Variants in WASF3 observed in about 807,000 individuals in gnomAD.
WASF3 encodes the protein actin-binding protein WASF3.
A neutral mutation model predicts 46.6 loss-of-function variants in WASF3; 11 were observed. The ratio of observed to expected loss-of-function variants is 0.24; its 90% CI spans 0.15 to 0.39. The LOEUF is 0.39. Among genes scored for constraint, WASF3 ranks in the 10% least tolerant of loss-of-function variants. The pLI, the probability that WASF3 is intolerant of heterozygous loss-of-function variation, is 1.00. For missense variants in WASF3, 576 were observed against 669.8 expected (o/e 0.86, Z 1.55); for synonymous variants, 242 against 259.7 (o/e 0.93, Z 0.65).
intron 3 of WASF3, among the ~76,000 whole-genome samples, chr13:26,647,921 A>G (rs1441066810): frequency 2.0e-5 from 3 of 152,222 alleles, no homozygotes; most frequent in South Asian, 4.1e-4. Context: ...TTCATTGTAC[A>G]TATGGTTTTA....
chr13:26,619,561 A>G (rs149120273), intron 2 of WASF3: 3 of 152,342 alleles, frequency 2.0e-5, no homozygotes, highest in African/African-American at 7.2e-5. Context: ...GTGGTTAACC[A>G]AAGGTTAGTC....
chr13:26,632,769 C>G (rs946845206), intron 2 of WASF3, among the ~76,000 whole-genome samples: 1 of 152,154 alleles, frequency 6.6e-6, no homozygotes, highest in African/African-American at 2.4e-5. Flanking sequence ...CTTTGTACCT[C>G]TGGTAGAATT....
chr13:26,684,703 A>G (rs368727306), intron 9 of WASF3, among the ~76,000 whole-genome samples: 2 of 152,302 alleles, frequency 1.3e-5, no homozygotes, highest in East Asian at 3.9e-4. Flanking sequence ...TTCACTCTCA[A>G]ATGGTCCAGA....
intron 1 of WASF3, chr13:26,576,769 T>C: frequency 3.1e-6 from 1 of 326,212 alleles, no homozygotes; most frequent in Non-Finnish European, 5.5e-6. Flanking sequence ...TCATTGGAAA[T>C]GCAAAAATAG....
At position 26,685,810 on chromosome 13, in the gene WASF3, G is replaced by A. The variant is rs1292057978; in HGVS notation, c.1474G>A (p.Asp492Asn). 5.6e-6 allele frequency: 9 copies of A among 1,614,014 alleles called. No individual in the cohort carries two copies. The highest frequency in any genetic ancestry group is 1.7e-4 in the Middle Eastern group (1 of 6,060). Residue 492 changes from aspartate (D) to asparagine (N), a missense_variant, in exon 10 of 10, where the codon GAC (aspartate) becomes AAC (asparagine). This residue lies in a region of WASF3 where 68 missense variants were observed against 100.3 expected (regional missense o/e 0.68). Transcript: ENST00000335327. ...CGTGGAGTACAGCGACTCTGACGAC[G>A]ACTCAGAGTTCGACGAGAACGACTG... is the stretch of plus-strand genomic sequence containing the variant. Reference protein sequence around the residue: ...IAVEYSDSDDDSEFDENDWSD With the variant: ...IAVEYSDSDDNSEFDENDWSD
chr13:26,631,051 T>G (rs1160063573), intron 2 of WASF3, among the ~76,000 whole-genome samples: 2 of 152,254 alleles, frequency 1.3e-5, no homozygotes, highest in Non-Finnish European at 2.9e-5. Flanking sequence ...ATTCTGGATA[T>G]TAGCCCTTTG....
rs535477998 is a variant in WASF3, at chr13:26,605,965, G to A, written c.-108-6996G>A. Among the ~76,000 whole-genome samples the A allele has an allele frequency of 2.1e-3, 320 of 152,202 alleles. 2 individuals carry two copies. The highest frequency in any genetic ancestry group is 7.5e-3 in the African/African-American group (310 of 41,524). On this transcript the variant is annotated intron_variant, in intron 1 of 9. Coordinates refer to ENST00000335327, the MANE Select transcript of WASF3 (RefSeq NM_006646.6). ...GTTCTGAATCCACATTGATTGAGAG[G>A]GTGCCATGAATTCCTTTCTGTGTGA...
chr13:26,624,875 G>A (rs1002722461), intron 2 of WASF3, among the ~76,000 whole-genome samples: 6 of 152,126 alleles, frequency 3.9e-5, no homozygotes, highest in African/African-American at 1.4e-4. Context: ...TCCTGTCGAT[G>A]CATAATTCTA....
rs2137471806 is a variant in WASF3 at position 26,667,559 on chromosome 13, C to T, written c.311C>T (p.Ser104Phe). ...DINMKKAFKS[S>F]TVQDQQVVSK... is the part of the protein sequence containing the mutation. ...AACATGAAAAAAGCTTTCAAAAGTT[C>T]CACAGTCCAAGACCAGCAAGTGGTT... Residue 104 changes from serine (S) to phenylalanine (F), a missense_variant, in exon 5 of 10, where the codon TCC becomes TTC. Physicochemically the swap from Ser to Phe is radical, Grantham distance 155. Coordinates refer to ENST00000335327, the MANE Select transcript of WASF3 (RefSeq NM_006646.6). The T allele has an allele frequency of 2.5e-6, 4 of 1,614,048 alleles. No individual in the cohort carries two copies. The highest frequency in any genetic ancestry group is 3.4e-6 in the Non-Finnish European group (4 of 1,179,970).
chr13:26,625,190 A>G (rs1881427105), intron 2 of WASF3, among the ~76,000 whole-genome samples: 1 of 152,206 alleles, frequency 6.6e-6, no homozygotes. Context: ...ACATTGGACA[A>G]AGCATGGAAG....
intron 1 of WASF3, among the ~76,000 whole-genome samples, chr13:26,610,215 T>A (rs1880929720): frequency 6.6e-6 from 1 of 152,208 alleles, no homozygotes; most frequent in Non-Finnish European, 1.5e-5. Flanking sequence ...TCCTCCCTTG[T>A]CTTAGTTTAG....
intron 1 of WASF3, chr13:26,576,949 G>T: frequency 1.3e-6 from 1 of 751,752 alleles, no homozygotes. Context: ...GAAGAAAGTG[G>T]TTGATCCATT....
chr13:26,595,068 TAGAC>T (rs1880421021), intron 1 of WASF3, among the ~76,000 whole-genome samples: 1 of 152,252 alleles, frequency 6.6e-6, no homozygotes, highest in African/African-American at 2.4e-5. Context: ...GTTTGTATCA[TAGAC>T]AGTATGAGTG....
intron 2 of WASF3, among the ~76,000 whole-genome samples, chr13:26,624,037 A>G (rs938047012): frequency 8.5e-5 from 13 of 152,236 alleles, no homozygotes; most frequent in Admixed American, 3.3e-4. Context: ...AATACTGTTT[A>G]CTTAGTCTCT....
At chr13:26,591,339 A>C (rs1880287185) in intron 1 of WASF3, among the ~76,000 whole-genome samples, 1 of 152,168 alleles carries the variant, frequency 6.6e-6, no homozygotes, top group Non-Finnish European at 1.5e-5. Context: ...GCTTCTCAGG[A>C]AAACAGTCTG....
intron 2 of WASF3, among the ~76,000 whole-genome samples, chr13:26,618,230 A>T (rs528465627): frequency 6.6e-6 from 1 of 151,844 alleles, no homozygotes; most frequent in South Asian, 2.1e-4. Context: ...CTTTATTACA[A>T]TTTTTTCCTG....
intron 3 of WASF3, among the ~76,000 whole-genome samples, chr13:26,647,274 T>G (rs1173231084): frequency 1.3e-5 from 2 of 152,200 alleles, no homozygotes; most frequent in East Asian, 3.8e-4. Context: ...ATTTTCAGAT[T>G]TTTTTCTTTG....
In WASF3 at chr13:26,660,194, G is replaced by GTTTTTTTTTTTTTTTTTTTT. The variant is rs71080285; in HGVS notation, c.134-4818_134-4799dup. Among the ~76,000 whole-genome samples, 4 of 43,376 alleles carry GTTTTTTTTTTTTTTTTTTTT rather than the reference G, an allele frequency of 9.2e-5. 1 individual carries two copies. Among genetic ancestry groups the GTTTTTTTTTTTTTTTTTTTT allele is most frequent in the African/African-American group, 3.0e-4 (4 of 13,450 alleles). 28.5% of individuals were successfully genotyped at this position (43,376 alleles called of 152,430 possible). On this transcript the variant is annotated intron_variant, in intron 3 of 9. Coordinates refer to ENST00000335327, the MANE Select transcript of WASF3 (RefSeq NM_006646.6). ...GTAATTAGCTTTTGTTTTTTGTTTGGTTTTTTTTTTTTTTTTTTTTTTTTT... is the reference window on the plus strand; with the variant it reads ...GTAATTAGCTTTTGTTTTTTGTTTGGTTTTTTTTTTTTTTTTTTTTTTTTTTTTTTTTTTTTTTTTTTTTT...
intron 2 of WASF3, among the ~76,000 whole-genome samples, chr13:26,639,502 C>T (rs1033802948): frequency 3.3e-5 from 5 of 152,118 alleles, no homozygotes; most frequent in African/African-American, 9.7e-5. Flanking sequence ...TGGACTCAGT[C>T]CCAAATTCAG....
Sources: allele counts gnomAD v4.1 joint callset (sites outside exome capture counted in the v4.1 genomes callset), GRCh38; gene constraint gnomAD v4.1.1; regional missense constraint gnomAD v4.1.1; transcripts MANE v1.5; gene names NCBI Gene and HGNC (gene_info 2026-07-23, HGNC 2026-07-21).